Variants in PHF20L1 observed in about 807,000 individuals in gnomAD.
The protein encoded by PHF20L1 is PHD finger protein 20-like protein 1.
Under a neutral mutation model 125.5 loss-of-function variants are expected in PHF20L1, and 44 were observed. That is an observed-to-expected ratio of 0.35 (90% CI 0.28 to 0.45). The LOEUF (loss-of-function observed/expected upper bound fraction) is 0.45. Ranked by LOEUF, PHF20L1 falls within the 20% of genes least tolerant of loss-of-function variation. The pLI, the probability that PHF20L1 is intolerant of heterozygous loss-of-function variation, is 1.00. For missense variants in PHF20L1, 1,012 were observed against 1,217.2 expected, an observed-to-expected ratio of 0.83 and a Z score of 2.51; for synonymous variants, 380 against 403.1, an observed-to-expected ratio of 0.94 and a Z score of 0.69.
intron 18 of PHF20L1, 45 bp from the exon 19 acceptor site, chr8:132,842,469 AT>A (rs71276510): frequency 0.066 from 70,659 of 1,065,906 alleles, no homozygotes; most frequent in South Asian, 0.095. Context: ...TTGTTAATAG[AT>A]TTTTTTTTTT....
Position 132,832,324 on chromosome 8 carries a change from C to T in PHF20L1, c.1834C>T (p.Arg612Ter). The T allele has an allele frequency of 5.6e-6, 9 of 1,610,544 alleles. No homozygotes were observed. The highest frequency in any genetic ancestry group is 7.6e-6 in the Non-Finnish European group (9 of 1,177,162). The change falls in exon 15 of 21, where the codon CGA (arginine) becomes TGA (stop). Residue 612 changes from arginine to a stop codon, truncating the protein, a stop_gained. Transcript: ENST00000395386. LOFTEE classifies it high-confidence loss of function. ...TRSSGSSLAS[R>*]SMFTEKTTTY... The stretch of plus-strand genomic sequence containing the variant: ...ATCTTCTGGGAGTTCTCTGGCTTCA[C>T]GAAGCATGTTTACGGAGAAAACTAC...
chr8:132,845,277 G>A (rs993049518), intron 20 of PHF20L1, among the ~76,000 whole-genome samples: 1 of 152,026 alleles, frequency 6.6e-6, no homozygotes, highest in African/African-American at 2.4e-5. Context: ...TGTTAAAATA[G>A]TGGAACTGAA....
chr8:132,803,692 C>T (rs1833358023), intron 6 of PHF20L1, 127 bp from the exon 7 acceptor site: 1 of 599,662 alleles, frequency 1.7e-6, no homozygotes, highest in Admixed American at 3.0e-5. Flanking sequence ...ATATTGTTAT[C>T]TCTATATTTA....
At chr8:132,826,121 T>G (rs985044113) in intron 14 of PHF20L1, 3 of 152,062 alleles carry the variant, frequency 2.0e-5, no homozygotes, top group Non-Finnish European at 4.4e-5. Flanking sequence ...TGGACATAGT[T>G]CCAAAATCCA....
chr8:132,842,945 G>T, intron 19 of PHF20L1, 70 bp downstream of exon 19: 2 of 1,485,976 alleles, frequency 1.3e-6, no homozygotes, highest in East Asian at 4.6e-5. Context: ...TATAAAATAA[G>T]GCATACTGAA....
intron 12 of PHF20L1, among the ~76,000 whole-genome samples, chr8:132,821,776 C>T (rs1410683307): frequency 6.6e-6 from 1 of 151,902 alleles, no homozygotes; most frequent in Non-Finnish European, 1.5e-5. Context: ...CTGACTCTAA[C>T]TAGAGTAGCT....
rs1053854663 is a variant in PHF20L1 at position 132,817,016 on chromosome 8, A to C, written c.1312A>C (p.Thr438Pro). 6.2e-7 allele frequency: 1 copy of C among 1,608,430 alleles called. No homozygotes were observed. The highest frequency in any genetic ancestry group is 8.5e-7 in the Non-Finnish European group (1 of 1,177,110). ...VEKVSSPSPA[T>P]DGKVFSISSQ... ...AAAGGTTTCTTCTCCCTCTCCAGCC[A>C]CTGATGGGAAAGTATTCTCCATCAG... The change falls in exon 11 of 21, where the codon ACT (threonine) becomes CCT (proline). Residue 438 changes from threonine (T) to proline (P), a missense_variant. Transcript: ENST00000395386.
chr8:132,777,892 C>T lies in PHF20L1; in HGVS notation c.64C>T (p.Leu22=), dbSNP rs145092184. The change falls in exon 2 of 21, where the codon CTG becomes TTG. Residue 22 remains leucine (L), a synonymous_variant. Transcript: ENST00000395386. Reference sequence around the variant, plus strand: ...TGAGATTGGTGCTCGTTTGGAGGCACTGGACTACTTACAAAAATGGTATGG... The same window carrying T: ...TGAGATTGGTGCTCGTTTGGAGGCATTGGACTACTTACAAAAATGGTATGG... ...TFEIGARLEA[L]DYLQKWYPSR... 28 of 1,609,584 alleles carry T rather than the reference C, an allele frequency of 1.7e-5. No individual in the cohort carries two copies. The highest frequency in any genetic ancestry group is 2.3e-5 in the Non-Finnish European group (27 of 1,176,122).
chr8:132,789,766 T>A (rs1831462218), intron 2 of PHF20L1, among the ~76,000 whole-genome samples: 1 of 152,118 alleles, frequency 6.6e-6, no homozygotes, highest in Non-Finnish European at 1.5e-5. Flanking sequence ...TAAGTGGAAT[T>A]AGGGAAGGGA....
intron 2 of PHF20L1, among the ~76,000 whole-genome samples, chr8:132,780,872 T>C (rs2131312903): frequency 7.0e-6 from 1 of 142,250 alleles, no homozygotes; most frequent in Non-Finnish European, 1.5e-5. Flanking sequence ...TGAGACAGAG[T>C]CTTTTCTGTT....
rs1832594840 is a variant in PHF20L1, at chr8:132,797,856, TA to T, written c.341-913del. Among the ~76,000 whole-genome samples, 8 of 152,072 alleles carry T rather than the reference TA, an allele frequency of 5.3e-5. No homozygotes were observed. In the South Asian group the frequency reaches 1.5e-3, roughly 28 times the overall value. On this transcript the variant is annotated intron_variant, in intron 4 of 20. Coordinates refer to ENST00000395386, the MANE Select transcript of PHF20L1 (RefSeq NM_016018.5). ...ACATTTCTTGTTTATAATTCTTTTA[TA>T]AAGACCAAGTATCTGTTTACTTAGA... is the stretch of plus-strand genomic sequence containing the variant.
At chr8:132,792,251 C>A (rs1279155280) in intron 2 of PHF20L1, among the ~76,000 whole-genome samples, 2 of 152,114 alleles carry the variant, frequency 1.3e-5, no homozygotes, top group East Asian at 3.8e-4. Flanking sequence ...ACTTCAGTGG[C>A]TAGCGAATGT....
intron 17 of PHF20L1, chr8:132,839,166 C>A: frequency 2.0e-6 from 1 of 504,564 alleles, no homozygotes; most frequent in Non-Finnish European, 3.6e-6. Flanking sequence ...TGCCACTGAC[C>A]ATGTCCTTAA....
At chr8:132,790,394 T>C (rs111687897) in intron 2 of PHF20L1, among the ~76,000 whole-genome samples, 1 of 152,192 alleles carries the variant, frequency 6.6e-6, no homozygotes, top group Admixed American at 6.5e-5. Flanking sequence ...GATCTCGATA[T>C]TACGATTTTT....
At chr8:132,821,915 C>T (rs980015760) in intron 12 of PHF20L1, among the ~76,000 whole-genome samples, 1 of 151,966 alleles carries the variant, frequency 6.6e-6, no homozygotes, top group South Asian at 2.1e-4. Flanking sequence ...GTACTTTGGT[C>T]ACCAAATTCT....
intron 12 of PHF20L1, chr8:132,818,894 A>G (rs926246130): frequency 2.0e-5 from 3 of 151,958 alleles, no homozygotes; most frequent in African/African-American, 7.2e-5. Context: ...TGTACATGTG[A>G]AAATATTTAC....
chr8:132,834,191 A>T (rs1837095680), intron 15 of PHF20L1, among the ~76,000 whole-genome samples: 1 of 152,088 alleles, frequency 6.6e-6, no homozygotes, highest in African/African-American at 2.4e-5. Context: ...GCTAAGCATA[A>T]GTTTAATGCT....
intron 9 of PHF20L1, chr8:132,811,935 T>G: frequency 1.0e-6 from 1 of 978,490 alleles, no homozygotes; most frequent in South Asian, 4.7e-5. Context: ...TGAGTATCTT[T>G]TGCTCTCCTC....
intron 10 of PHF20L1, 136 bp from the exon 11 acceptor site, chr8:132,816,752 A>G (rs1835033650): frequency 1.6e-6 from 1 of 639,976 alleles, no homozygotes. Flanking sequence ...CCTTTGGAAC[A>G]TGCCATTCCT....
Sources: gnomAD v4.1 joint callset for allele counts (sites outside exome capture counted in the v4.1 genomes callset) on GRCh38, gnomAD v4.1.1 for gene constraint, MANE v1.5 for transcripts, NCBI Gene and HGNC (gene_info 2026-07-23, HGNC 2026-07-21) for gene names.